The following PDE8B variants were observed in gnomAD, a reference collection of about 807,000 sequenced individuals.
The protein encoded by PDE8B is high affinity cAMP-specific and IBMX-insensitive 3',5'-cyclic phosphodiesterase 8B.
In PDE8B, 26 loss-of-function variants were observed where a neutral mutation model predicts 101.3. The observed-to-expected ratio is 0.26, with a 90% CI of 0.19 to 0.36. The LOEUF (loss-of-function observed/expected upper bound fraction) is 0.36. Ranked by LOEUF, PDE8B falls within the 10% of genes least tolerant of loss-of-function variation. PDE8B has a pLI of 1.00. For missense variants in PDE8B, 810 were observed against 1,163.1 expected (o/e 0.70, Z 4.42); for synonymous variants, 424 against 429.3 (o/e 0.99, Z 0.15).
the PDE8B span, among the ~76,000 whole-genome samples, chr5:77,203,886 T>C: frequency 6.6e-6 from 1 of 152,178 alleles, no homozygotes; most frequent in Admixed American, 6.5e-5. Flanking sequence ...AAGGTGTGCA[T>C]GCAGGCAGGA....
chr5:77,311,895 G>T, intron 1 of PDE8B, 99 bp from the exon 2 acceptor site: 1 of 932,030 alleles, frequency 1.1e-6, no homozygotes, highest in Non-Finnish European at 1.8e-6. Flanking sequence ...CTTCAATTTA[G>T]TGCACACGGT....
the PDE8B span, among the ~76,000 whole-genome samples, chr5:77,181,124 A>G: frequency 7.6e-6 from 1 of 132,202 alleles, no homozygotes. Context: ...CCCTTGCACT[A>G]AGTTCTAGGG....
chr5:77,147,211 AC>A, the PDE8B span: 1 of 304,008 alleles, frequency 3.3e-6, no homozygotes. Flanking sequence ...AAGCATTTAA[AC>A]CCCCTGTTTA....
upstream of PDE8B, chr5:77,210,489 A>C: frequency 3.1e-6 from 1 of 327,524 alleles, no homozygotes; most frequent in Non-Finnish European, 4.4e-6. The surrounding 1 kb of genome is among the most constrained non-coding windows in gnomAD (Gnocchi z 4.9). Flanking sequence ...GAAAGTGGGG[A>C]AAGAAGGTGC....
chr5:77,239,728 T>C (rs1220770081), intron 1 of PDE8B, among the ~76,000 whole-genome samples: 1 of 152,218 alleles, frequency 6.6e-6, no homozygotes, highest in Admixed American at 6.5e-5. Context: ...CTAACAAACA[T>C]GGGCTCCTCT....
At chr5:77,097,732 T>TATATATATAC in the PDE8B span, among the ~76,000 whole-genome samples, 11 of 65,218 alleles carry the variant, frequency 1.7e-4, no homozygotes, top group South Asian at 2.7e-3. Context: ...TATATATATA[T>TATATATATAC]ACATACATAT....
intron 10 of PDE8B, among the ~76,000 whole-genome samples, chr5:77,357,684 C>G (rs1399716274): frequency 2.0e-5 from 3 of 152,342 alleles, no homozygotes. Context: ...TAGGACTGTG[C>G]TCACAGCCCC....
the PDE8B span, among the ~76,000 whole-genome samples, chr5:77,184,039 C>T: frequency 6.0e-4 from 91 of 151,980 alleles, no homozygotes; most frequent in Middle Eastern, 0.014. Flanking sequence ...GCATTATTGG[C>T]TCACTGCAGG....
intron 1 of PDE8B, among the ~76,000 whole-genome samples, chr5:77,264,858 A>G (rs542253638): frequency 2.4e-4 from 36 of 152,174 alleles, no homozygotes; most frequent in Non-Finnish European, 4.3e-4. Flanking sequence ...CAGGTGAACC[A>G]TAGCCATTTT....
At chr5:77,239,968 A>T (rs1182732006) in intron 1 of PDE8B, among the ~76,000 whole-genome samples, 1 of 152,054 alleles carries the variant, frequency 6.6e-6, no homozygotes, top group Non-Finnish European at 1.5e-5. Flanking sequence ...CTTCGACGTC[A>T]GTCTCTCCAA....
chr5:77,115,594 C>G, the PDE8B span, among the ~76,000 whole-genome samples: 1 of 152,106 alleles, frequency 6.6e-6, no homozygotes, highest in Non-Finnish European at 1.5e-5. Flanking sequence ...TGGGTACTTT[C>G]TGAACGTTTG....
At chr5:77,407,549 A>T (rs3101866) in intron 13 of PDE8B, 92 bp downstream of exon 13, 2 of 899,044 alleles carry the variant, frequency 2.2e-6, no homozygotes, top group African/African-American at 3.3e-5. Flanking sequence ...CATGGAGCTC[A>T]GTCTAGTGGA....
intron 1 of PDE8B, among the ~76,000 whole-genome samples, chr5:77,254,355 T>C (rs989354802): frequency 3.3e-5 from 5 of 152,174 alleles, no homozygotes; most frequent in Non-Finnish European, 4.4e-5. Context: ...ACTATTTGAA[T>C]AACTGCTTTC....
chr5:77,289,533 G>T (rs1421538875), intron 1 of PDE8B, among the ~76,000 whole-genome samples: 4 of 152,208 alleles, frequency 2.6e-5, no homozygotes, highest in Non-Finnish European at 2.9e-5. Flanking sequence ...AAAGAATGGG[G>T]CAGGTTGGAA....
the PDE8B span, among the ~76,000 whole-genome samples, chr5:77,127,044 G>A: frequency 1.4e-3 from 220 of 152,228 alleles, no homozygotes; most frequent in African/African-American, 5.1e-3. Flanking sequence ...GGTGCTCCCA[G>A]GTCAATAAAT....
chr5:77,096,153 C>T, the PDE8B span, among the ~76,000 whole-genome samples: 2 of 152,072 alleles, frequency 1.3e-5, no homozygotes, highest in African/African-American at 2.4e-5. Flanking sequence ...CCACACCCAG[C>T]GAATTTTTGT....
the PDE8B span, among the ~76,000 whole-genome samples, chr5:77,093,839 A>G: frequency 6.6e-6 from 1 of 152,110 alleles, no homozygotes; most frequent in Non-Finnish European, 1.5e-5. Context: ...TCTCGGTGTC[A>G]TGAAAAGCTC....
At chr5:77,266,394 A>G (rs1482276652) in intron 1 of PDE8B, among the ~76,000 whole-genome samples, 5 of 152,126 alleles carry the variant, frequency 3.3e-5, no homozygotes, top group Non-Finnish European at 7.4e-5. Flanking sequence ...TTCATTGGTG[A>G]TTTCATGGCT....
At chr5:77,309,243 G>C (rs1293830384) in intron 1 of PDE8B, among the ~76,000 whole-genome samples, 1 of 140,536 alleles carries the variant, frequency 7.1e-6, no homozygotes, top group Non-Finnish European at 1.6e-5. Context: ...GGGAGGGGTG[G>C]GGAGGGGAAG....
Sources: allele counts gnomAD v4.1 joint callset (sites outside exome capture counted in the v4.1 genomes callset), GRCh38; gene constraint gnomAD v4.1.1; non-coding constraint Gnocchi (gnomAD v3.1); transcripts MANE v1.5; gene names NCBI Gene and HGNC (gene_info 2026-07-23, HGNC 2026-07-21).